BCAS3: variants seen among roughly 807,000 people sequenced by gnomAD.
BCAS3 encodes BCAS3 microtubule associated cell migration factor, also known as BCAS4/BCAS3 fusion.
Under a neutral mutation model 116.1 loss-of-function variants are expected in BCAS3, and 53 were observed. The observed-to-expected ratio is 0.46, with a 90% CI of 0.37 to 0.57. The LOEUF is 0.57. BCAS3 is among the 20% of genes least tolerant of loss of function. BCAS3 has a pLI of 0.00. For missense variants in BCAS3, 917 were observed against 1,165.4 expected (o/e 0.79, Z 3.10); for synonymous variants, 391 against 408.2 (o/e 0.96, Z 0.51).
Position 61,235,028 on chromosome 17 carries a change from T to C in BCAS3, c.2426-133299T>C, listed in dbSNP as rs926214501. The stretch of plus-strand genomic sequence containing the variant: ...TCAGCCTCCCGAGTAGCTGGGACTA[T>C]AGGCGCACGCCACCACTCCTGGCTA... On this transcript the variant is annotated intron_variant, in intron 22 of 23. Transcript: ENST00000407086. The surrounding 1 kb of genome is among the most constrained non-coding windows in gnomAD (Gnocchi z 5.0). 1.3e-5 allele frequency among the ~76,000 whole-genome samples: 2 copies of C among 152,048 alleles called. No homozygotes were observed. Among genetic ancestry groups the C allele is most frequent in the African/African-American group, 4.8e-5 (2 of 41,432 alleles).
chr17:60,810,914 C>T (rs567734172), intron 7 of BCAS3: 15 of 696,518 alleles, frequency 2.2e-5, no homozygotes, highest in African/African-American at 1.7e-4. Context: ...AAGATCATGG[C>T]AGACATCTGG....
intron 4 of BCAS3, among the ~76,000 whole-genome samples, chr17:60,706,373 C>CT (rs995759998): frequency 5.3e-5 from 8 of 151,940 alleles, no homozygotes; most frequent in Non-Finnish European, 1.0e-4. Flanking sequence ...AGGATGCAGA[C>CT]TTTTTTTGAT....
intron 13 of BCAS3, among the ~76,000 whole-genome samples, chr17:60,931,940 G>A (rs2059667421): frequency 1.3e-5 from 2 of 152,044 alleles, no homozygotes; most frequent in African/African-American, 4.8e-5. Flanking sequence ...GGGTGTAGTG[G>A]TGCACTCCTG....
intron 14 of BCAS3, among the ~76,000 whole-genome samples, chr17:60,980,181 A>T (rs867519315): frequency 6.6e-6 from 1 of 152,234 alleles, no homozygotes; most frequent in South Asian, 2.1e-4. Flanking sequence ...AGATCCTGTT[A>T]TTGGTCTATT....
intron 7 of BCAS3, among the ~76,000 whole-genome samples, chr17:60,835,106 G>A (rs745644552): frequency 1.3e-4 from 20 of 151,736 alleles, no homozygotes; most frequent in African/African-American, 3.4e-4. Flanking sequence ...AGAAGAAAGC[G>A]ATAAAATAGG....
At chr17:61,018,668 C>G (rs2065658551) in intron 16 of BCAS3, among the ~76,000 whole-genome samples, 1 of 152,074 alleles carries the variant, frequency 6.6e-6, no homozygotes, top group South Asian at 2.1e-4. Context: ...TGCATAAACA[C>G]TAACACGTCA....
intron 5 of BCAS3, among the ~76,000 whole-genome samples, chr17:60,714,986 C>A (rs576689310): frequency 1.3e-5 from 2 of 152,038 alleles, no homozygotes; most frequent in Admixed American, 1.3e-4. Context: ...ATGTTATTGA[C>A]TCTTTTTTGG....
chr17:60,850,550 G>A (rs1489751390), intron 7 of BCAS3, among the ~76,000 whole-genome samples: 1 of 151,518 alleles, frequency 6.6e-6, no homozygotes, highest in Admixed American at 6.6e-5. Context: ...GTAGAGATGG[G>A]GTTTCATCAT....
chr17:61,240,811 C>T (rs2047448876), intron 22 of BCAS3, among the ~76,000 whole-genome samples: 1 of 152,174 alleles, frequency 6.6e-6, no homozygotes, highest in South Asian at 2.1e-4. Flanking sequence ...GGGTCCATTT[C>T]TTTTAAATTG....
At chr17:60,794,149 T>C (rs1013067304) in intron 6 of BCAS3, among the ~76,000 whole-genome samples, 11 of 152,244 alleles carry the variant, frequency 7.2e-5, no homozygotes, top group Non-Finnish European at 1.3e-4. Flanking sequence ...TGCATTTCCC[T>C]GATCATTAGT....
At position 61,309,081 on chromosome 17, in the gene BCAS3, G is replaced by A. The variant is rs964425631; in HGVS notation, c.2426-59246G>A. 6.6e-6 allele frequency among the ~76,000 whole-genome samples: 1 copy of A among 152,076 alleles called. No homozygotes were observed. Among genetic ancestry groups the A allele is most frequent in the Non-Finnish European group, 1.5e-5 (1 of 68,022 alleles). On this transcript the variant is annotated intron_variant, in intron 22 of 23. Transcript: ENST00000407086. This position sits in a 1 kb window ranked among gnomAD's most constrained non-coding sequence, Gnocchi z 4.6. Reference sequence around the variant, plus strand: ...GCATGGAATCCTCTTTCTTTCAGGAGTCCGTGATTCTTGACTGAAACAAGG... The same window carrying A: ...GCATGGAATCCTCTTTCTTTCAGGAATCCGTGATTCTTGACTGAAACAAGG...
At chr17:61,003,357 T>G (rs569671844) in intron 15 of BCAS3, among the ~76,000 whole-genome samples, 1 of 151,220 alleles carries the variant, frequency 6.6e-6, no homozygotes, top group South Asian at 2.1e-4. Context: ...AGCTTTTTTG[T>G]GCTCCTTTTA....
chr17:61,352,075 C>A lies in BCAS3; in HGVS notation c.2426-16252C>A, dbSNP rs1379993804. On this transcript the variant is annotated intron_variant, in intron 22 of 23. Coordinates refer to ENST00000407086, the MANE Select transcript of BCAS3 (RefSeq NM_017679.5). This position sits in a 1 kb window ranked among gnomAD's most constrained non-coding sequence, Gnocchi z 4.7. Reference sequence around the variant, plus strand: ...ATCTGAGGGATACAAGAAAACTATTCTAGTAGTTTTTCAACCCTAAAGGCA... The same window carrying A: ...ATCTGAGGGATACAAGAAAACTATTATAGTAGTTTTTCAACCCTAAAGGCA... Among the ~76,000 whole-genome samples the A allele has an allele frequency of 3.9e-5, 6 of 152,178 alleles. No homozygotes were observed. The highest frequency in any genetic ancestry group is 7.4e-5 in the Non-Finnish European group (5 of 68,024).
intron 23 of BCAS3, among the ~76,000 whole-genome samples, chr17:61,386,337 G>T (rs1191890166): frequency 6.6e-6 from 1 of 152,202 alleles, no homozygotes; most frequent in Non-Finnish European, 1.5e-5. Context: ...CTGGCCAGGG[G>T]AAACATCCTC....
chr17:60,949,851 C>G (rs916722648), intron 14 of BCAS3, among the ~76,000 whole-genome samples: 4 of 152,116 alleles, frequency 2.6e-5, no homozygotes, highest in Non-Finnish European at 5.9e-5. Flanking sequence ...ATAAGTTAAA[C>G]AACACCATGA....
At chr17:60,685,734 T>C (rs1463613139) in intron 3 of BCAS3, among the ~76,000 whole-genome samples, 1 of 152,184 alleles carries the variant, frequency 6.6e-6, no homozygotes, top group Non-Finnish European at 1.5e-5. Context: ...ATTTTTGGTG[T>C]ACAATCGTAG....
intron 12 of BCAS3, among the ~76,000 whole-genome samples, chr17:60,918,918 C>G (rs1184227368): frequency 1.3e-5 from 2 of 152,112 alleles, no homozygotes; most frequent in African/African-American, 4.8e-5. Flanking sequence ...TGGTCCCGAT[C>G]TCCTGACCTC....
Position 61,214,467 on chromosome 17 carries a change from A to G in BCAS3, c.2425+129903A>G, listed in dbSNP as rs1337254609. On this transcript the variant is annotated intron_variant, in intron 22 of 23. Coordinates refer to ENST00000407086, the MANE Select transcript of BCAS3 (RefSeq NM_017679.5). The surrounding 1 kb of genome is among the most constrained non-coding windows in gnomAD (Gnocchi z 4.4). Reference sequence around the variant, plus strand: ...TGCAAGGCCGAGGCAGGTGGATCACAAGGTCAGGAGATGGAGATCATCCTG... The same window carrying G: ...TGCAAGGCCGAGGCAGGTGGATCACGAGGTCAGGAGATGGAGATCATCCTG... Among the ~76,000 whole-genome samples the G allele has an allele frequency of 5.3e-5, 8 of 152,078 alleles. No homozygotes were observed. The South Asian group carries it at 1.5e-3, about 28-fold the overall frequency.
intron 22 of BCAS3, among the ~76,000 whole-genome samples, chr17:61,291,011 ACCTCATAATCCACCC>A (rs1452545067): frequency 2.0e-5 from 3 of 152,116 alleles, no homozygotes; most frequent in Non-Finnish European, 4.4e-5. Flanking sequence ...CGATCTCCTG[ACCTCATAATCCACCC>A]GCCTTGGCCT....
Sources: gnomAD v4.1 joint callset for allele counts (sites outside exome capture counted in the v4.1 genomes callset) on GRCh38, gnomAD v4.1.1 for gene constraint, Gnocchi (gnomAD v3.1) non-coding constraint, MANE v1.5 for transcripts, NCBI Gene and HGNC (gene_info 2026-07-23, HGNC 2026-07-21) for gene names.